TENM3: variants seen among roughly 807,000 people sequenced by gnomAD.
The protein encoded by TENM3 is teneurin transmembrane protein 3.
TENM3 carries 63 observed loss-of-function variants against 255.1 expected under a neutral mutation model. The ratio of observed to expected loss-of-function variants is 0.25; its 90% CI spans 0.20 to 0.30. TENM3 has a LOEUF of 0.30. TENM3 is among the 10% of genes least tolerant of loss of function. TENM3 has a pLI of 1.00. For missense variants in TENM3, 2,929 were observed against 3,461.1 expected (o/e 0.85, Z 3.86); for synonymous variants, 1,306 against 1,322.3 (o/e 0.99, Z 0.27).
chr4:182,304,265 T>A (rs1350984944), intron 1 of TENM3, among the ~76,000 whole-genome samples: 2 of 151,906 alleles, frequency 1.3e-5, no homozygotes, highest in Non-Finnish European at 2.9e-5. Context: ...CAGGCTGGAG[T>A]GCAGTGGTAC....
intron 3 of TENM3, among the ~76,000 whole-genome samples, chr4:182,418,998 AGAT>A (rs1214482401): frequency 6.6e-6 from 1 of 152,208 alleles, no homozygotes; most frequent in African/African-American, 2.4e-5. Flanking sequence ...TATAAACAGA[AGAT>A]GATAAAAATG....
At chr4:182,640,101 A>G (rs1223732034) in intron 5 of TENM3, among the ~76,000 whole-genome samples, 6 of 152,188 alleles carry the variant, frequency 3.9e-5, no homozygotes, top group Non-Finnish European at 8.8e-5. Flanking sequence ...AAATACGTAA[A>G]TAAGAGTAAT....
At chr4:181,868,761 G>T in the TENM3 span, among the ~76,000 whole-genome samples, 2 of 152,024 alleles carry the variant, frequency 1.3e-5, no homozygotes, top group Non-Finnish European at 2.9e-5. Context: ...ATCAGCAAAC[G>T]GCTTAATAAC....
At chr4:182,734,648 C>G (rs1057067009) in intron 16 of TENM3, among the ~76,000 whole-genome samples, 1 of 152,068 alleles carries the variant, frequency 6.6e-6, no homozygotes, top group Admixed American at 6.6e-5. Context: ...GAATGTTTAA[C>G]GGGATCAGGA....
the TENM3 span, among the ~76,000 whole-genome samples, chr4:181,885,033 G>A: frequency 3.3e-5 from 5 of 151,974 alleles, no homozygotes; most frequent in South Asian, 2.1e-4. Flanking sequence ...TCAAAGGGGC[G>A]TCATGTGAAA....
chr4:181,820,280 T>A, the TENM3 span: 6 of 152,188 alleles, frequency 3.9e-5, no homozygotes, highest in African/African-American at 1.4e-4. Context: ...CTAGAACAAT[T>A]CCGCTTTGTT....
chr4:182,669,063 G>C (rs2309773), intron 6 of TENM3, among the ~76,000 whole-genome samples: 36,154 of 151,986 alleles, frequency 0.24, 4,588 homozygotes, highest in Admixed American at 0.39. Flanking sequence ...AGAAATGTAT[G>C]AACTTGATGA....
chr4:181,590,050 T>C, the TENM3 span, among the ~76,000 whole-genome samples: 1 of 152,166 alleles, frequency 6.6e-6, no homozygotes, highest in Admixed American at 6.5e-5. Context: ...GCAAATGTTA[T>C]AAATAAGAAA....
the TENM3 span, among the ~76,000 whole-genome samples, chr4:181,751,372 C>A: frequency 6.9e-6 from 1 of 145,558 alleles, no homozygotes; most frequent in Non-Finnish European, 1.5e-5. Context: ...AAGTTAGAAT[C>A]GTTTTTAAAA....
chr4:181,567,430 C>T, the TENM3 span, among the ~76,000 whole-genome samples: 1 of 152,168 alleles, frequency 6.6e-6, no homozygotes, highest in Non-Finnish European at 1.5e-5. Context: ...ATAACACTAA[C>T]ATAAATTATT....
At chr4:181,587,540 C>G in the TENM3 span, among the ~76,000 whole-genome samples, 3 of 152,186 alleles carry the variant, frequency 2.0e-5, no homozygotes, top group Non-Finnish European at 4.4e-5. Context: ...GATGTTGGTA[C>G]AATCCCCGTT....
chr4:181,516,012 G>A, the TENM3 span, among the ~76,000 whole-genome samples: 1 of 152,264 alleles, frequency 6.6e-6, no homozygotes, highest in Non-Finnish European at 1.5e-5. Context: ...ATACTATGCA[G>A]CCATAAAAAG....
chr4:181,572,556 T>G, the TENM3 span, among the ~76,000 whole-genome samples: 123 of 152,324 alleles, frequency 8.1e-4, 4 homozygotes, highest in South Asian at 0.025. Flanking sequence ...TTCACACTTT[T>G]TTTTGTCAAT....
chr4:182,384,118 C>G (rs1767746355), intron 3 of TENM3, among the ~76,000 whole-genome samples: 1 of 152,006 alleles, frequency 6.6e-6, no homozygotes, highest in African/African-American at 2.4e-5. Flanking sequence ...GAGAAAAGCC[C>G]TTGGACGTGA....
At chr4:182,604,656 T>C (rs1029708510) in intron 4 of TENM3, among the ~76,000 whole-genome samples, 9 of 152,202 alleles carry the variant, frequency 5.9e-5, no homozygotes, top group African/African-American at 2.2e-4. Flanking sequence ...AAGTTCCTCA[T>C]TTATATACGT....
the TENM3 span, among the ~76,000 whole-genome samples, chr4:181,734,131 G>A: frequency 2.2e-3 from 340 of 152,210 alleles, 1 homozygote; most frequent in Non-Finnish European, 3.7e-3. Flanking sequence ...GTATGTTTAC[G>A]AATGTTTTTG....
At chr4:181,655,826 C>G in the TENM3 span, among the ~76,000 whole-genome samples, 1 of 152,170 alleles carries the variant, frequency 6.6e-6, no homozygotes, top group South Asian at 2.1e-4. Flanking sequence ...GTAAGCTTAT[C>G]AGAGCTGAGG....
chr4:181,852,089 G>A, the TENM3 span, among the ~76,000 whole-genome samples: 2 of 152,098 alleles, frequency 1.3e-5, no homozygotes, highest in Non-Finnish European at 2.9e-5. Flanking sequence ...CCAAGAGAAA[G>A]GTCAACTTCA....
the TENM3 span, among the ~76,000 whole-genome samples, chr4:182,038,719 T>G: frequency 5.3e-5 from 8 of 152,162 alleles, no homozygotes; most frequent in Non-Finnish European, 1.0e-4. Context: ...GAAGCTAAAA[T>G]ACGTATTTTA....
Sources: allele counts gnomAD v4.1 joint callset (sites outside exome capture counted in the v4.1 genomes callset), GRCh38; gene constraint gnomAD v4.1.1; transcripts MANE v1.5; gene names NCBI Gene and HGNC (gene_info 2026-07-23, HGNC 2026-07-21).